PPARGC1A: variants seen among roughly 807,000 people sequenced by gnomAD.
The protein encoded by PPARGC1A is PPARG coactivator 1 alpha.
Under a neutral mutation model 88.7 loss-of-function variants are expected in PPARGC1A, and 25 were observed. That is an observed-to-expected ratio of 0.28 (90% CI 0.21 to 0.39). PPARGC1A has a LOEUF of 0.39. Ranked by LOEUF, PPARGC1A falls within the 10% of genes least tolerant of loss-of-function variation. The pLI is 1.00. For missense variants in PPARGC1A, 880 were observed against 968.7 expected (o/e 0.91, Z 1.22); for synonymous variants, 363 against 355.6 (o/e 1.02, Z -0.24).
the PPARGC1A span, among the ~76,000 whole-genome samples, chr4:24,256,249 A>G: frequency 1.3e-5 from 2 of 152,138 alleles, no homozygotes; most frequent in Non-Finnish European, 2.9e-5. Flanking sequence ...TCTTGTTTCA[A>G]AGGAGACATG....
At chr4:23,935,677 C>G in the PPARGC1A span, among the ~76,000 whole-genome samples, 1 of 152,096 alleles carries the variant, frequency 6.6e-6, no homozygotes, top group Non-Finnish European at 1.5e-5. Flanking sequence ...ACGTGGTAGA[C>G]ATTTGTATCT....
At chr4:24,315,109 C>G in the PPARGC1A span, among the ~76,000 whole-genome samples, 5 of 151,816 alleles carry the variant, frequency 3.3e-5, no homozygotes, top group African/African-American at 7.3e-5. Context: ...CCACACCCAT[C>G]TTAACATTTG....
At chr4:24,345,333 T>A in the PPARGC1A span, among the ~76,000 whole-genome samples, 4 of 152,258 alleles carry the variant, frequency 2.6e-5, no homozygotes, top group African/African-American at 9.6e-5. Flanking sequence ...GTGTTGAATT[T>A]GTAGATTGCT....
At chr4:23,830,426 T>C (rs1187687116) in intron 3 of PPARGC1A, among the ~76,000 whole-genome samples, 1 of 152,066 alleles carries the variant, frequency 6.6e-6, no homozygotes, top group Non-Finnish European at 1.5e-5. Flanking sequence ...AATGAACAAA[T>C]TGAATAGATG....
At chr4:23,905,920 A>G (rs1229374592), upstream of PPARGC1A, among the ~76,000 whole-genome samples, 1 of 152,146 alleles carries the variant, frequency 6.6e-6, no homozygotes, top group Non-Finnish European at 1.5e-5. Flanking sequence ...TCTCTTCACA[A>G]ATCAGAAGGG....
chr4:23,807,059 G>A (rs756506819), intron 10 of PPARGC1A, among the ~76,000 whole-genome samples: 51 of 152,188 alleles, frequency 3.4e-4, no homozygotes, highest in Middle Eastern at 3.4e-3. Context: ...CTATGCTAAG[G>A]AAACTACATA....
intron 12 of PPARGC1A, among the ~76,000 whole-genome samples, chr4:23,799,551 C>G (rs952624956): frequency 6.6e-6 from 1 of 152,094 alleles, no homozygotes; most frequent in African/African-American, 2.4e-5. Context: ...TGATGGAGCT[C>G]AGAAAAAAAC....
chr4:23,888,970 C>G lies in PPARGC1A; in HGVS notation c.54+934G>C, dbSNP rs903774213. 3.0e-6 allele frequency: 3 copies of G among 985,190 alleles called. No homozygotes were observed. In the African/African-American group the frequency reaches 5.2e-5, roughly 17 times the overall value. 61.0% of individuals were successfully genotyped at this position (985,190 alleles called of 1,614,324 possible). ...TCCACAGAAAGTTTTGCTTGTTTCC[C>G]AAGTTGCCCAAACTTTCCTTCCGAG... On this transcript the variant is annotated intron_variant, in intron 1 of 12. Transcript: ENST00000264867.
chr4:23,871,495 G>A (rs1371380582), intron 2 of PPARGC1A, among the ~76,000 whole-genome samples: 1 of 152,218 alleles, frequency 6.6e-6, no homozygotes, highest in African/African-American at 2.4e-5. Flanking sequence ...AATAGGAGGT[G>A]AACCTGCCTA....
At chr4:24,044,328 G>T in the PPARGC1A span, among the ~76,000 whole-genome samples, 6 of 152,100 alleles carry the variant, frequency 3.9e-5, no homozygotes, top group Non-Finnish European at 5.9e-5. Flanking sequence ...AGACCTTGAG[G>T]GTCCGATTCT....
At chr4:24,163,567 G>A in the PPARGC1A span, among the ~76,000 whole-genome samples, 6 of 152,196 alleles carry the variant, frequency 3.9e-5, no homozygotes, top group Non-Finnish European at 7.4e-5. Context: ...AAGGGAAATC[G>A]GAATAATTAC....
At chr4:24,283,509 A>G in the PPARGC1A span, among the ~76,000 whole-genome samples, 134 of 152,366 alleles carry the variant, frequency 8.8e-4, no homozygotes, top group Middle Eastern at 0.01. Flanking sequence ...AAGCATTAGT[A>G]GTAGGCAACT....
chr4:23,967,900 T>C, the PPARGC1A span, among the ~76,000 whole-genome samples: 1 of 152,012 alleles, frequency 6.6e-6, no homozygotes, highest in Non-Finnish European at 1.5e-5. Context: ...AGGTGGGGAA[T>C]AGTGTATCAA....
the PPARGC1A span, among the ~76,000 whole-genome samples, chr4:23,940,794 A>C: frequency 6.6e-6 from 1 of 152,122 alleles, no homozygotes; most frequent in African/African-American, 2.4e-5. Flanking sequence ...GTAGGATGCA[A>C]TTCCAATTTG....
At chr4:23,875,181 A>T (rs1714438084) in intron 2 of PPARGC1A, among the ~76,000 whole-genome samples, 1 of 150,776 alleles carries the variant, frequency 6.6e-6, no homozygotes. Context: ...TGGACTTAGA[A>T]GTCCTCAACA....
the PPARGC1A span, among the ~76,000 whole-genome samples, chr4:24,184,006 T>C: frequency 2.0e-5 from 3 of 152,234 alleles, no homozygotes; most frequent in Non-Finnish European, 4.4e-5. Context: ...CTGAAGGATA[T>C]ATTTCCTGGA....
chr4:23,967,168 T>A, the PPARGC1A span, among the ~76,000 whole-genome samples: 1 of 152,188 alleles, frequency 6.6e-6, no homozygotes, highest in East Asian at 1.9e-4. Flanking sequence ...ATTACCCACA[T>A]CGATACTTAC....
the PPARGC1A span, among the ~76,000 whole-genome samples, chr4:24,170,017 A>C: frequency 1.1e-4 from 17 of 152,230 alleles, no homozygotes; most frequent in Non-Finnish European, 1.3e-4. Flanking sequence ...TGAATAATTA[A>C]AAATTCATAA....
At chr4:23,889,174 C>G (rs1717412693) in intron 1 of PPARGC1A, 1 of 985,284 alleles carries the variant, frequency 1.0e-6, no homozygotes, top group South Asian at 4.7e-5. Flanking sequence ...GCTCCACACA[C>G]AGTCCTGCAT....
Sources: allele counts gnomAD v4.1 joint callset (sites outside exome capture counted in the v4.1 genomes callset), GRCh38; gene constraint gnomAD v4.1.1; transcripts MANE v1.5; gene names NCBI Gene and HGNC (gene_info 2026-07-23, HGNC 2026-07-21).